CHD9: variants seen among roughly 807,000 people sequenced by gnomAD.
CHD9 encodes ATP-dependent chromatin remodeler CHD9.
CHD9 carries 77 observed loss-of-function variants against 316.1 expected under a neutral mutation model. The observed-to-expected ratio is 0.24, with a 90% confidence interval of 0.20 to 0.29. The LOEUF (loss-of-function observed/expected upper bound fraction) is 0.29. Among genes scored for constraint, CHD9 ranks in the 10% least tolerant of loss-of-function variants. The pLI is 1.00. For missense variants in CHD9, 2,763 were observed against 3,438.1 expected (o/e 0.80, Z 4.91); for synonymous variants, 1,129 against 1,158.3 (o/e 0.97, Z 0.51).
chr16:53,247,575 A>T (rs1476530749), intron 16 of CHD9, 72 bp downstream of exon 16: 2 of 1,018,846 alleles, frequency 2.0e-6, no homozygotes, highest in African/African-American at 1.6e-5. Flanking sequence ...ACTGTAATGT[A>T]AATGAACTTT....
chr16:53,099,164 A>G (rs948101268), intron 1 of CHD9: 15 of 152,418 alleles, frequency 9.8e-5, no homozygotes, highest in African/African-American at 2.7e-4. Context: ...AGCTGGAGCC[A>G]GAGGAAGTGA....
chr16:53,127,766 C>T (rs2039034752), intron 1 of CHD9, among the ~76,000 whole-genome samples: 1 of 151,714 alleles, frequency 6.6e-6, no homozygotes, highest in Non-Finnish European at 1.5e-5. Context: ...GCTAAAAATA[C>T]AAAAATTAGC....
At chr16:53,163,389 T>C (rs796872731) in intron 2 of CHD9, among the ~76,000 whole-genome samples, 20 of 152,262 alleles carry the variant, frequency 1.3e-4, no homozygotes, top group African/African-American at 4.8e-4. Context: ...TTTGTATTTT[T>C]AGTAGAGACA....
intron 28 of CHD9, 77 bp from the exon 29 acceptor site, chr16:53,292,756 T>A (rs1004573351): frequency 2.6e-5 from 31 of 1,191,358 alleles, no homozygotes; most frequent in Non-Finnish European, 3.5e-5. Context: ...TAAAAATTTT[T>A]AAAGTAAAGT....
At chr16:53,061,959 C>T (rs1354659950) in intron 1 of CHD9, among the ~76,000 whole-genome samples, 2 of 152,178 alleles carry the variant, frequency 1.3e-5, no homozygotes, top group African/African-American at 2.4e-5. Context: ...TACCCAAGAG[C>T]ACAAAGTCTC....
At position 53,285,559 on chromosome 16, in the gene CHD9, T is replaced by C. The variant is rs772938179; in HGVS notation, c.4968-37T>C. On this transcript the variant is annotated intron_variant, in intron 24 of 38. Coordinates refer to ENST00000447540, the MANE Select transcript of CHD9 (RefSeq NM_001308319.2). ...TTTTGCCTCCTTTTTGACTCATTTATAATAATTCATAATGCCATATTATGA... is the reference window on the plus strand; with the variant it reads ...TTTTGCCTCCTTTTTGACTCATTTACAATAATTCATAATGCCATATTATGA... 3 of 1,376,194 alleles carry C rather than the reference T, an allele frequency of 2.2e-6. No individual in the cohort carries two copies. In the East Asian group the frequency reaches 7.3e-5, roughly 33 times the overall value. 85.2% of individuals were successfully genotyped at this position (1,376,194 alleles called of 1,614,324 possible). A position where few individuals can be genotyped will look rare whatever the true frequency, so the allele number is the denominator to read the frequency against.
intron 22 of CHD9, among the ~76,000 whole-genome samples, chr16:53,273,368 A>G (rs1002308660): frequency 3.3e-5 from 5 of 152,188 alleles, no homozygotes; most frequent in Non-Finnish European, 7.3e-5. Flanking sequence ...TTGTAAAAAA[A>G]TAATCTGTTT....
intron 22 of CHD9, among the ~76,000 whole-genome samples, chr16:53,272,072 G>A (rs1029617417): frequency 1.3e-5 from 2 of 152,016 alleles, no homozygotes; most frequent in African/African-American, 2.4e-5. Context: ...AAAATTGTTA[G>A]ATGGGGGGAA....
At chr16:53,160,915 AAAAG>A (rs2041862877) in intron 2 of CHD9, among the ~76,000 whole-genome samples, 1 of 152,078 alleles carries the variant, frequency 6.6e-6, no homozygotes, top group South Asian at 2.1e-4. Flanking sequence ...TCAAAACAAA[AAAAG>A]AAAAGAAAGT....
chr16:53,281,907 TATTTC>T (rs1233065400), intron 24 of CHD9, among the ~76,000 whole-genome samples: 6 of 152,190 alleles, frequency 3.9e-5, no homozygotes, highest in Non-Finnish European at 8.8e-5. Context: ...AACCTTCTTT[TATTTC>T]ATTTATAATG....
chr16:53,111,820 T>A (rs1361631544), intron 1 of CHD9, among the ~76,000 whole-genome samples: 2 of 152,222 alleles, frequency 1.3e-5, no homozygotes, highest in Non-Finnish European at 2.9e-5. Flanking sequence ...AACTTCCAAA[T>A]GCTCTGCCAC....
chr16:53,248,755 C>T (rs1021935018), intron 16 of CHD9, among the ~76,000 whole-genome samples: 14 of 151,860 alleles, frequency 9.2e-5, no homozygotes, highest in African/African-American at 3.4e-4. Flanking sequence ...CTCCTGGGCT[C>T]AAGCAGTTCT....
chr16:53,252,813 A>G lies in CHD9; in HGVS notation c.3862-1625A>G, dbSNP rs2050239854. Among the ~76,000 whole-genome samples the G allele has an allele frequency of 3.9e-5, 6 of 152,214 alleles. No individual in the cohort carries two copies. The South Asian group carries it at 1.2e-3, about 32-fold the overall frequency. On this transcript the variant is annotated intron_variant, in intron 17 of 38. Transcript: ENST00000447540. Reference sequence around the variant, plus strand: ...TGTGAAAAGATGGTCAACATCACTAATGATCAGGGAAATGCAAATCAAAAC... The same window carrying G: ...TGTGAAAAGATGGTCAACATCACTAGTGATCAGGGAAATGCAAATCAAAAC...
At chr16:53,250,455 C>T in intron 17 of CHD9, 1 of 158,574 alleles carries the variant, frequency 6.3e-6, no homozygotes, top group Non-Finnish European at 1.4e-5. Flanking sequence ...CACGCATCAT[C>T]ACGCCTGGCC....
At chr16:53,239,509 A>G (rs1443870895) in intron 12 of CHD9, among the ~76,000 whole-genome samples, 1 of 152,182 alleles carries the variant, frequency 6.6e-6, no homozygotes, top group Admixed American at 6.5e-5. Flanking sequence ...AAATATTTCA[A>G]TAAAATCAAT....
At chr16:53,107,279 G>A (rs1196630838) in intron 1 of CHD9, among the ~76,000 whole-genome samples, 2 of 151,778 alleles carry the variant, frequency 1.3e-5, no homozygotes, top group Non-Finnish European at 2.9e-5. Flanking sequence ...GACCAATATG[G>A]CGAAACCCCG....
intron 20 of CHD9, 66 bp downstream of exon 20, chr16:53,263,163 T>A (rs893226703): frequency 8.3e-7 from 1 of 1,198,562 alleles, no homozygotes; most frequent in African/African-American, 1.5e-5. Context: ...TATTGTAATA[T>A]TTTAAGGTGT....
At chr16:53,113,280 G>T (rs1197095426) in intron 1 of CHD9, among the ~76,000 whole-genome samples, 1 of 151,408 alleles carries the variant, frequency 6.6e-6, no homozygotes, top group Non-Finnish European at 1.5e-5. Flanking sequence ...CACTCATTCA[G>T]TTGGTTAGTA....
In CHD9 at chr16:53,307,746, A is replaced by T. The variant is rs774385513; in HGVS notation, c.6846A>T (p.Ser2282=). The change falls in exon 33 of 39, where the codon TCA becomes TCT. Residue 2282 remains serine (S), a synonymous_variant. Transcript: ENST00000447540. ...CQTVLKGKWP[S]ARRSYDANTV... is the part of the protein sequence containing the mutation. ...CAGTTCTGAAAGGAAAGTGGCCTTC[A>T]GCTAGAAGAAGTTATGATGCTAACA... is the stretch of plus-strand genomic sequence containing the variant. 2.5e-6 allele frequency: 4 copies of T among 1,612,592 alleles called. No individual in the cohort carries two copies. The highest frequency in any genetic ancestry group is 2.2e-5 in the South Asian group (2 of 90,684).
Sources: allele counts gnomAD v4.1 joint callset (sites outside exome capture counted in the v4.1 genomes callset), GRCh38; gene constraint gnomAD v4.1.1; transcripts MANE v1.5; gene names NCBI Gene and HGNC (gene_info 2026-07-23, HGNC 2026-07-21).